Variants in SLCO3A1 observed in about 807,000 individuals in gnomAD.
The protein encoded by SLCO3A1 is solute carrier organic anion transporter family member 3A1, also known as PGE1 transporter.
SLCO3A1 carries 27 observed loss-of-function variants against 63.1 expected under a neutral mutation model. The observed-to-expected ratio is 0.43, with a 90% CI of 0.32 to 0.59. The LOEUF (loss-of-function observed/expected upper bound fraction) is 0.59, where lower values mean the gene tolerates loss of function less well. SLCO3A1 is among the 20% of genes least tolerant of loss of function. SLCO3A1 has a pLI of 0.09. For synonymous variants in SLCO3A1, 473 were observed against 409.9 expected (o/e 1.15, Z -1.86); for missense variants, 773 against 945.8 (o/e 0.82, Z 2.40).
rs1392843514 is a variant in SLCO3A1, at chr15:91,854,475, T to G, written c.180+387T>G. On this transcript the variant is annotated intron_variant, in intron 1 of 9. Transcript: ENST00000318445. The surrounding 1 kb of genome is among the most constrained non-coding windows in gnomAD (Gnocchi z 6.4). ...TCGGGGTTTTCAGGTGACCTGCACA[T>G]GGGAAGAAAAACCAGTTAGCATCCT... 2.9e-6 allele frequency: 2 copies of G among 686,112 alleles called. No individual in the cohort carries two copies. Among genetic ancestry groups the G allele is most frequent in the African/African-American group, 3.9e-5 (2 of 51,838 alleles). The allele number at this position is 686,112 out of a possible 1,614,324, so 42.5% of individuals were successfully genotyped here.
chr15:91,873,830 CTATT>C (rs1897334615), intron 1 of SLCO3A1, among the ~76,000 whole-genome samples: 1 of 152,192 alleles, frequency 6.6e-6, no homozygotes. Flanking sequence ...TTCTCTGGAA[CTATT>C]TATTTGTTTA....
chr15:91,930,685 C>A (rs748810480), intron 2 of SLCO3A1, among the ~76,000 whole-genome samples: 1 of 152,184 alleles, frequency 6.6e-6, no homozygotes, highest in South Asian at 2.1e-4. Context: ...ATGAATCAGA[C>A]CTAGCTTCTG....
chr15:92,016,254 T>TAGA, intron 2 of SLCO3A1, among the ~76,000 whole-genome samples: 6,006 of 95,176 alleles, frequency 0.063, 207 homozygotes, highest in African/African-American at 0.11. Context: ...GATAGATAGA[T>TAGA]TAGATAGATA....
chr15:92,091,410 G>T (rs1466308544), intron 2 of SLCO3A1, among the ~76,000 whole-genome samples: 2 of 152,216 alleles, frequency 1.3e-5, no homozygotes, highest in Non-Finnish European at 2.9e-5. Context: ...CTGGCAATCT[G>T]CTCCTCCTCC....
At chr15:91,996,927 A>G (rs1022620487) in intron 2 of SLCO3A1, among the ~76,000 whole-genome samples, 9 of 152,212 alleles carry the variant, frequency 5.9e-5, no homozygotes, top group Non-Finnish European at 1.2e-4. Context: ...CTCTTAATGT[A>G]ATCTAACTGG....
intron 2 of SLCO3A1, among the ~76,000 whole-genome samples, chr15:91,922,826 A>T (rs1898893889): frequency 6.6e-6 from 1 of 152,192 alleles, no homozygotes; most frequent in African/African-American, 2.4e-5. Flanking sequence ...GCCATATTCC[A>T]TTCCCTCTCC....
chr15:91,898,557 C>T (rs1898067525), intron 1 of SLCO3A1, among the ~76,000 whole-genome samples: 1 of 152,170 alleles, frequency 6.6e-6, no homozygotes, highest in Non-Finnish European at 1.5e-5. Context: ...TCCAGTGGAT[C>T]TGGGAAAACT....
At chr15:92,002,531 G>A (rs1182278100) in intron 2 of SLCO3A1, among the ~76,000 whole-genome samples, 1 of 152,096 alleles carries the variant, frequency 6.6e-6, no homozygotes, top group Non-Finnish European at 1.5e-5. Flanking sequence ...TTATTAACAT[G>A]GAATGCAAGT....
intron 1 of SLCO3A1, among the ~76,000 whole-genome samples, chr15:91,884,559 C>T (rs553574799): frequency 2.0e-5 from 3 of 150,042 alleles, no homozygotes; most frequent in African/African-American, 7.3e-5. Context: ...GACTTCAGAG[C>T]CTTTTTCTAA....
chr15:91,866,591 A>G (rs1455841326), intron 1 of SLCO3A1, among the ~76,000 whole-genome samples: 1 of 150,380 alleles, frequency 6.6e-6, no homozygotes, highest in East Asian at 1.9e-4. Context: ...AAAAAAAAAA[A>G]GAAAAAAAAA....
intron 1 of SLCO3A1, among the ~76,000 whole-genome samples, chr15:91,895,715 C>T (rs1425062558): frequency 6.6e-6 from 1 of 152,180 alleles, no homozygotes; most frequent in Non-Finnish European, 1.5e-5. Flanking sequence ...CCAGCCTAAA[C>T]ACTTAGGGTT....
chr15:91,935,085 C>G (rs112361266), intron 2 of SLCO3A1, among the ~76,000 whole-genome samples: 9,021 of 152,260 alleles, frequency 0.059, 377 homozygotes, highest in Non-Finnish European at 0.09. Context: ...TCCTGAGTAG[C>G]TGGGGCTACA....
At position 92,165,415 on chromosome 15, in the gene SLCO3A1, CTT is replaced by C. The variant is rs939173566; in HGVS notation, c.*2281_*2282del. On this transcript the variant is annotated 3_prime_UTR_variant, in exon 10 of 10. Transcript: ENST00000318445. ...GCAAATATATTGCTAATAGGTCACT[CTT>C]ATAGATTATTGCTTGGCCCTTCAAA... The C allele has an allele frequency of 8.1e-6, 8 of 985,238 alleles. No homozygotes were observed. In the African/African-American group the frequency reaches 1.2e-4, roughly 15 times the overall value. 61.0% of individuals were successfully genotyped at this position (985,238 alleles called of 1,614,324 possible). A position where few individuals can be genotyped will look rare whatever the true frequency, so the allele number is the denominator to read the frequency against.
At chr15:92,067,472 C>G (rs899672587) in intron 2 of SLCO3A1, among the ~76,000 whole-genome samples, 4 of 152,214 alleles carry the variant, frequency 2.6e-5, no homozygotes, top group African/African-American at 9.6e-5. Flanking sequence ...GAACTGGAAT[C>G]TTTTATCTTT....
rs1463621588 is a variant in SLCO3A1 at position 92,163,607 on chromosome 15, A to C, written c.*472A>C. The stretch of plus-strand genomic sequence containing the variant: ...AACATTGCCAGATTAAGCACTAGTG[A>C]CACACCCCGTGCCACCCTCTTCCTC... On this transcript the variant is annotated 3_prime_UTR_variant, in exon 10 of 10. Transcript: ENST00000318445. 3 of 984,594 alleles carry C rather than the reference A, an allele frequency of 3.0e-6. No homozygotes were observed. The highest frequency in any genetic ancestry group is 9.4e-5 in the South Asian group (2 of 21,278). The allele number at this position is 984,594 out of a possible 1,614,324, so 61.0% of individuals were successfully genotyped here.
chr15:92,135,724 AC>A (rs2048048925), intron 7 of SLCO3A1, among the ~76,000 whole-genome samples: 1 of 152,158 alleles, frequency 6.6e-6, no homozygotes, highest in Admixed American at 6.5e-5. Context: ...AAAGGAAAAC[AC>A]CCCACTTTAT....
Position 91,941,281 on chromosome 15 carries a change from A to G in SLCO3A1, c.646+24823A>G, listed in dbSNP as rs1899610783. ...TGAGCTGGTTTAGGTGTGTTGGGGC[A>G]GGGCGGGGCTCGGCTGGGGGGTGGG... On this transcript the variant is annotated intron_variant, in intron 2 of 9. Transcript: ENST00000318445. The surrounding 1 kb of genome is among the most constrained non-coding windows in gnomAD (Gnocchi z 4.4). The G allele has an allele frequency of 3.9e-6, 1 of 253,830 alleles. No homozygotes were observed. The highest frequency in any genetic ancestry group is 7.9e-6 in the Non-Finnish European group (1 of 126,688). 15.7% of individuals were successfully genotyped at this position (253,830 alleles called of 1,614,324 possible).
intron 4 of SLCO3A1, among the ~76,000 whole-genome samples, chr15:92,112,261 C>T (rs767104604): frequency 6.6e-6 from 1 of 152,216 alleles, no homozygotes; most frequent in Non-Finnish European, 1.5e-5. Flanking sequence ...TAGAAAAGGT[C>T]ATGCTGGAAG....
At chr15:92,093,248 T>G (rs2047498549) in intron 2 of SLCO3A1, among the ~76,000 whole-genome samples, 1 of 152,106 alleles carries the variant, frequency 6.6e-6, no homozygotes, top group Admixed American at 6.5e-5. Context: ...CTGCTCCTGG[T>G]GAAGGTCTCC....
Sources: allele counts gnomAD v4.1 joint callset (sites outside exome capture counted in the v4.1 genomes callset), GRCh38; gene constraint gnomAD v4.1.1; non-coding constraint Gnocchi (gnomAD v3.1); transcripts MANE v1.5; gene names NCBI Gene and HGNC (gene_info 2026-07-23, HGNC 2026-07-21).